VPS54: variants seen among roughly 807,000 people sequenced by gnomAD.
VPS54 encodes the protein vacuolar protein sorting-associated protein 54.
In VPS54, 45 loss-of-function variants were observed where a neutral mutation model predicts 121.5. That is an observed-to-expected ratio of 0.37 (90% CI 0.29 to 0.47). VPS54 has a LOEUF of 0.47. Ranked by LOEUF, VPS54 falls within the 20% of genes least tolerant of loss-of-function variation. The probability of loss-of-function intolerance (pLI) is 0.99; values close to 1 mark genes in which losing one functional copy is unlikely to be tolerated. For missense variants in VPS54, 1,090 were observed against 1,131.4 expected (o/e 0.96, Z 0.52); for synonymous variants, 371 against 385.8 (o/e 0.96, Z 0.45).
chr2:63,990,006 G>A (rs1054232998), intron 1 of VPS54, among the ~76,000 whole-genome samples: 1 of 152,214 alleles, frequency 6.6e-6, no homozygotes, highest in Non-Finnish European at 1.5e-5. Flanking sequence ...AACATTCCAG[G>A]AGCTGTTCCC....
At chr2:64,008,931 C>G (rs1180199524) in intron 1 of VPS54, among the ~76,000 whole-genome samples, 1 of 152,164 alleles carries the variant, frequency 6.6e-6, no homozygotes, top group African/African-American at 2.4e-5. Context: ...AAAAATATTT[C>G]TGAATGAATC....
rs767465744 is a variant in VPS54 at position 63,893,377 on chromosome 2, C to G, written c.*53G>C. 2.7e-6 allele frequency: 4 copies of G among 1,481,040 alleles called. No individual in the cohort carries two copies. The South Asian group carries it at 4.5e-5, about 17-fold the overall frequency. 91.7% of individuals were successfully genotyped at this position (1,481,040 alleles called of 1,614,324 possible). A position where few individuals can be genotyped will look rare whatever the true frequency, so the allele number is the denominator to read the frequency against. On this transcript the variant is annotated 3_prime_UTR_variant, in exon 23 of 23. Coordinates refer to ENST00000272322, the MANE Select transcript of VPS54 (RefSeq NM_016516.3). ...GAATCACAGGCATCCAGATTTTCTTCATAACAAACACATCCCATGGTCAGA... is the reference window on the plus strand; with the variant it reads ...GAATCACAGGCATCCAGATTTTCTTGATAACAAACACATCCCATGGTCAGA...
At chr2:63,959,465 T>C (rs560807300) in intron 7 of VPS54, among the ~76,000 whole-genome samples, 1 of 152,314 alleles carries the variant, frequency 6.6e-6, no homozygotes, top group South Asian at 2.1e-4. Flanking sequence ...TGACATTTGA[T>C]AGGAAACTTT....
At chr2:63,901,116 A>G (rs1222755720) in intron 20 of VPS54, among the ~76,000 whole-genome samples, 1 of 152,238 alleles carries the variant, frequency 6.6e-6, no homozygotes, top group Non-Finnish European at 1.5e-5. Context: ...TTCTAATCGT[A>G]TGATTAATTC....
intron 1 of VPS54, among the ~76,000 whole-genome samples, chr2:63,994,376 T>C (rs754088110): frequency 9.9e-5 from 15 of 152,140 alleles, no homozygotes; most frequent in Non-Finnish European, 1.9e-4. Context: ...CTACACAAAA[T>C]TATTCTTATT....
At chr2:63,911,008 A>C (rs906551514) in intron 20 of VPS54, among the ~76,000 whole-genome samples, 1 of 152,206 alleles carries the variant, frequency 6.6e-6, no homozygotes, top group African/African-American at 2.4e-5. Context: ...TCCTGGACTC[A>C]AGCATAGTTC....
At position 63,978,895 on chromosome 2, in the gene VPS54, C is replaced by T. The variant is rs148205014; in HGVS notation, c.378+2751G>A. Among the ~76,000 whole-genome samples the T allele has an allele frequency of 7.0e-3, 1,065 of 152,294 alleles. 6 individuals are homozygous for T. The highest frequency in any genetic ancestry group is 0.019 in the South Asian group (92 of 4,824). The stretch of plus-strand genomic sequence containing the variant: ...ATGGCCTCCCAAAGTGTGGGGATTA[C>T]AAGCGTGAGCCACCATGCCCAGCCA... On this transcript the variant is annotated intron_variant, in intron 3 of 22. Coordinates refer to ENST00000272322, the MANE Select transcript of VPS54 (RefSeq NM_016516.3).
chr2:64,018,581 C>A (rs1234230027), intron 1 of VPS54, among the ~76,000 whole-genome samples: 2 of 151,766 alleles, frequency 1.3e-5, no homozygotes, highest in Non-Finnish European at 2.9e-5. Context: ...AAGGGCCTGG[C>A]TGGAAAAAGA....
chr2:63,991,977 G>A (rs535781298), intron 1 of VPS54, among the ~76,000 whole-genome samples: 1 of 152,308 alleles, frequency 6.6e-6, no homozygotes, highest in South Asian at 2.1e-4. Context: ...TGTCCCCACA[G>A]GGGTCACTGG....
chr2:64,017,331 C>T (rs1452328382), intron 1 of VPS54, among the ~76,000 whole-genome samples: 4 of 137,132 alleles, frequency 2.9e-5, no homozygotes, highest in Non-Finnish European at 6.3e-5. Flanking sequence ...AGCAAGACCC[C>T]GTCTCAAAAA....
chr2:63,893,480 G>A lies in VPS54; in HGVS notation c.2884C>T (p.Leu962Phe). 6.2e-7 allele frequency: 1 copy of A among 1,614,036 alleles called. No homozygotes were observed. Among genetic ancestry groups the A allele is most frequent in the Non-Finnish European group, 8.5e-7 (1 of 1,179,986 alleles). ...GCCATATTTAGGTCCAAATCTTTAAGGCCTTTTAAGGCTTGAAGATTTCCA... is the reference window on the plus strand; with the variant it reads ...GCCATATTTAGGTCCAAATCTTTAAAGCCTTTTAAGGCTTGAAGATTTCCA... The part of the protein sequence containing the change: ...YTGNLQALKG[L>F]KDLDLNMAEI... Residue 962 changes from leucine to phenylalanine, a missense_variant, in exon 23 of 23, where the codon CTT (leucine) becomes TTT (phenylalanine). Transcript: ENST00000272322.
intron 11 of VPS54, among the ~76,000 whole-genome samples, chr2:63,942,239 AAG>A (rs1262985292): frequency 1.3e-5 from 2 of 152,058 alleles, no homozygotes; most frequent in African/African-American, 4.8e-5. Context: ...AATGTAAAGT[AAG>A]AGCATATTTC....
chr2:63,935,322 C>G (rs760348575), intron 11 of VPS54, among the ~76,000 whole-genome samples: 1 of 152,098 alleles, frequency 6.6e-6, no homozygotes, highest in Non-Finnish European at 1.5e-5. Context: ...GAAGATAGAG[C>G]CTTCAAGAGC....
At chr2:63,956,604 C>A (rs568499251) in intron 7 of VPS54, among the ~76,000 whole-genome samples, 1 of 152,220 alleles carries the variant, frequency 6.6e-6, no homozygotes, top group South Asian at 2.1e-4. Context: ...GCTCTCAAGC[C>A]CAGTGAGACC....
At chr2:63,974,953 G>A in intron 3 of VPS54, 1 of 1,538,392 alleles carries the variant, frequency 6.5e-7, no homozygotes, top group East Asian at 2.4e-5. Context: ...CCAAGACAAT[G>A]TTAAAAGAAA....
At chr2:63,943,326 A>T (rs1208690798) in intron 10 of VPS54, among the ~76,000 whole-genome samples, 1 of 152,220 alleles carries the variant, frequency 6.6e-6, no homozygotes, top group Admixed American at 6.5e-5. Flanking sequence ...TTAAGAGTTT[A>T]TTCTAAAAAG....
chr2:64,017,477 C>G (rs772204198), intron 1 of VPS54, among the ~76,000 whole-genome samples: 7 of 152,056 alleles, frequency 4.6e-5, no homozygotes, highest in Non-Finnish European at 7.4e-5. Flanking sequence ...TTTTAACTTT[C>G]CAGAAAATAT....
chr2:63,931,844 A>ATGCCTACTGCCTCTCT (rs1674219179), intron 12 of VPS54, among the ~76,000 whole-genome samples: 1 of 152,254 alleles, frequency 6.6e-6, no homozygotes, highest in Admixed American at 6.5e-5. Context: ...AAGTGGGCAA[A>ATGCCTACTGCCTCTCT]GGATATGAAC....
At chr2:64,005,423 A>C (rs1247335629) in intron 1 of VPS54, among the ~76,000 whole-genome samples, 2 of 152,104 alleles carry the variant, frequency 1.3e-5, no homozygotes, top group Non-Finnish European at 2.9e-5. Flanking sequence ...TCTTAATACG[A>C]ATCTAGTAAC....
Sources: gnomAD v4.1 joint callset for allele counts (sites outside exome capture counted in the v4.1 genomes callset) on GRCh38, gnomAD v4.1.1 for gene constraint, MANE v1.5 for transcripts, NCBI Gene and HGNC (gene_info 2026-07-23, HGNC 2026-07-21) for gene names.